Variants in CNTNAP2 observed in about 807,000 individuals in gnomAD.
CNTNAP2 encodes the protein contactin-associated protein-like 2.
A neutral mutation model predicts 155.2 loss-of-function variants in CNTNAP2; 98 were observed. The observed-to-expected ratio is 0.63, with a 90% CI of 0.54 to 0.75. CNTNAP2 has a LOEUF of 0.75. Ranked by LOEUF, CNTNAP2 falls within the 30% of genes least tolerant of loss-of-function variation. The pLI is 0.00. For missense variants in CNTNAP2, 1,727 were observed against 1,688.1 expected (o/e 1.02, Z -0.40); for synonymous variants, 651 against 631.2 (o/e 1.03, Z -0.47).
At chr7:146,195,879 AC>A (rs1429454824) in intron 1 of CNTNAP2, among the ~76,000 whole-genome samples, 1 of 152,202 alleles carries the variant, frequency 6.6e-6, no homozygotes, top group Non-Finnish European at 1.5e-5. Flanking sequence ...GAACTTTTTA[AC>A]ATGTACTCTG....
At chr7:146,672,231 G>A (rs1195372531) in intron 1 of CNTNAP2, among the ~76,000 whole-genome samples, 2 of 152,090 alleles carry the variant, frequency 1.3e-5, no homozygotes, top group Non-Finnish European at 2.9e-5. Flanking sequence ...TCACTCTTCA[G>A]CAAATCTTTC....
intron 1 of CNTNAP2, among the ~76,000 whole-genome samples, chr7:146,254,349 AT>A (rs1216173742): frequency 6.6e-6 from 1 of 152,254 alleles, no homozygotes; most frequent in Non-Finnish European, 1.5e-5. Flanking sequence ...CAATAAAATA[AT>A]GCATTTTAAT....
chr7:147,395,748 T>C lies in CNTNAP2; in HGVS notation c.1638T>C (p.Asn546=), dbSNP rs1237643258. The C allele has an allele frequency of 6.2e-7, 1 of 1,612,274 alleles. No individual in the cohort carries two copies. The highest frequency in any genetic ancestry group is 1.7e-5 in the Admixed American group (1 of 59,884). The change falls in exon 10 of 24, where the codon AAT becomes AAC. Residue 546 remains asparagine (N), a synonymous_variant. Transcript: ENST00000361727. ...VAQRKPGSFA[N]VSIDMCAIID... ...AAAGGAAGCCGGGAAGTTTCGCGAA[T>C]GTCAGCATTGACATGTGTGCGATCA...
At chr7:146,627,856 G>A (rs1298186546) in intron 1 of CNTNAP2, among the ~76,000 whole-genome samples, 1 of 151,974 alleles carries the variant, frequency 6.6e-6, no homozygotes, top group Admixed American at 6.6e-5. Flanking sequence ...TAATGACACT[G>A]GTTACTACTT....
intron 5 of CNTNAP2, among the ~76,000 whole-genome samples, chr7:147,109,637 T>A (rs1345160751): frequency 6.6e-6 from 1 of 152,106 alleles, no homozygotes; most frequent in Non-Finnish European, 1.5e-5. Context: ...CTAAATGTCA[T>A]GTAAGATGAA....
intron 1 of CNTNAP2, among the ~76,000 whole-genome samples, chr7:146,261,557 G>A (rs1799919293): frequency 1.3e-5 from 2 of 151,920 alleles, no homozygotes; most frequent in African/African-American, 2.4e-5. Context: ...CCTATATGCA[G>A]TAATTATTAA....
chr7:147,748,132 G>A (rs373960240), intron 13 of CNTNAP2, among the ~76,000 whole-genome samples: 125 of 152,336 alleles, frequency 8.2e-4, no homozygotes, highest in African/African-American at 2.3e-3. Context: ...ATGTGGGAAG[G>A]ATGGAGATAT....
intron 1 of CNTNAP2, among the ~76,000 whole-genome samples, chr7:146,619,951 A>G (rs1799290178): frequency 6.6e-6 from 1 of 152,236 alleles, no homozygotes; most frequent in South Asian, 2.1e-4. Context: ...GTATAAAAAT[A>G]AAACTTATTT....
chr7:147,398,364 A>G (rs1796855366), intron 10 of CNTNAP2, among the ~76,000 whole-genome samples: 1 of 151,122 alleles, frequency 6.6e-6, no homozygotes, highest in Non-Finnish European at 1.5e-5. Flanking sequence ...TCTCCTTCCC[A>G]GTTCCAGCTT....
intron 14 of CNTNAP2, among the ~76,000 whole-genome samples, chr7:147,954,372 A>C (rs369683382): frequency 8.5e-5 from 13 of 152,136 alleles, no homozygotes; most frequent in East Asian, 1.9e-4. Context: ...AATAAAAGCT[A>C]ATGTTTTTAT....
chr7:147,562,065 T>C (rs1001397892), intron 11 of CNTNAP2, 73 bp from the exon 12 acceptor site: 1 of 1,599,018 alleles, frequency 6.3e-7, no homozygotes, highest in Non-Finnish European at 8.6e-7. Flanking sequence ...CATTGCAATA[T>C]GCCACTGGGA....
intron 1 of CNTNAP2, among the ~76,000 whole-genome samples, chr7:146,164,801 A>C (rs530090588): frequency 1.6e-5 from 2 of 121,758 alleles, no homozygotes; most frequent in Non-Finnish European, 4.2e-5. Context: ...CCGTTTCTCT[A>C]TGTTTCATAA....
intron 3 of CNTNAP2, among the ~76,000 whole-genome samples, chr7:147,018,288 T>C (rs1005152989): frequency 2.6e-5 from 4 of 152,088 alleles, no homozygotes; most frequent in Admixed American, 6.6e-5. Flanking sequence ...GCCCAATTTC[T>C]TTCTTGAAAA....
intron 3 of CNTNAP2, among the ~76,000 whole-genome samples, chr7:146,870,351 T>A (rs750554184): frequency 6.6e-6 from 1 of 152,124 alleles, no homozygotes. Context: ...TCTTCTAGGT[T>A]TTCTAGTTTG....
intron 1 of CNTNAP2, among the ~76,000 whole-genome samples, chr7:146,283,394 G>T (rs112087501): frequency 8.0e-4 from 121 of 152,086 alleles, no homozygotes; most frequent in African/African-American, 2.7e-3. Flanking sequence ...TTTTAACAAG[G>T]TCTTGCTCTG....
chr7:147,495,718 A>C (rs1345745535), intron 11 of CNTNAP2, among the ~76,000 whole-genome samples: 3 of 152,218 alleles, frequency 2.0e-5, no homozygotes, highest in African/African-American at 7.2e-5. Flanking sequence ...GTAACAAAGC[A>C]TAACTTCAGA....
In CNTNAP2 at chr7:147,601,924, A is replaced by C. The variant is rs1184645781; in HGVS notation, c.1898-37182A>C. Among the ~76,000 whole-genome samples, 3 of 152,048 alleles carry C rather than the reference A, an allele frequency of 2.0e-5. No individual in the cohort carries two copies. The East Asian group carries it at 5.8e-4, about 29-fold the overall frequency. ...TTTAAGTTTATTTGTAAAAGAAAGT[A>C]AGTCTTCCGCCTGTGGTGTTTCCTA... On this transcript the variant is annotated intron_variant, in intron 12 of 23. Coordinates refer to ENST00000361727, the MANE Select transcript of CNTNAP2 (RefSeq NM_014141.6).
intron 8 of CNTNAP2, among the ~76,000 whole-genome samples, chr7:147,164,505 T>C (rs1802082673): frequency 6.6e-6 from 1 of 152,226 alleles, no homozygotes; most frequent in African/African-American, 2.4e-5. Flanking sequence ...ACATAACAAT[T>C]GTACATATTT....
At chr7:148,082,341 C>T (rs1016747200) in intron 15 of CNTNAP2, among the ~76,000 whole-genome samples, 11 of 152,268 alleles carry the variant, frequency 7.2e-5, no homozygotes, top group Admixed American at 1.3e-4. Context: ...AAACTGAGGA[C>T]GCTAGACTGA....
Sources: gnomAD v4.1 joint callset for allele counts (sites outside exome capture counted in the v4.1 genomes callset) on GRCh38, gnomAD v4.1.1 for gene constraint, MANE v1.5 for transcripts, NCBI Gene and HGNC (gene_info 2026-07-23, HGNC 2026-07-21) for gene names.